CEP350: variants seen among roughly 807,000 people sequenced by gnomAD.
CEP350 encodes the protein centrosomal protein 350.
A neutral mutation model predicts 331.8 loss-of-function variants in CEP350; 126 were observed. That is an observed-to-expected ratio of 0.38 (90% CI 0.33 to 0.44). CEP350 has a LOEUF of 0.44. CEP350 is among the 20% of genes least tolerant of loss of function. The probability of loss-of-function intolerance (pLI) is 1.00; values close to 1 mark genes in which losing one functional copy is unlikely to be tolerated. For synonymous variants in CEP350, 1,200 were observed against 1,259.5 expected (o/e 0.95, Z 1.00); for missense variants, 3,406 against 3,634.6 (o/e 0.94, Z 1.62).
intron 37 of CEP350, among the ~76,000 whole-genome samples, chr1:180,108,133 A>G (rs911792157): frequency 1.3e-5 from 2 of 152,230 alleles, no homozygotes; most frequent in Non-Finnish European, 2.9e-5. Flanking sequence ...TGACAGAGAA[A>G]TAGTTCCTGT....
chr1:180,079,958 G>A (rs886802505), intron 29 of CEP350, among the ~76,000 whole-genome samples: 1 of 152,152 alleles, frequency 6.6e-6, no homozygotes, highest in Non-Finnish European at 1.5e-5. Context: ...ACCCTCGCAA[G>A]AATCCTATAA....
In CEP350 at chr1:180,112,916, G is replaced by A. The variant is rs1407982888; in HGVS notation, c.*1755G>A. 5 of 152,580 alleles carry A rather than the reference G, an allele frequency of 3.3e-5. No homozygotes were observed. Among genetic ancestry groups the A allele is most frequent in the Admixed American group, 2.6e-4 (4 of 15,272 alleles). 9.5% of individuals were successfully genotyped at this position (152,580 alleles called of 1,614,324 possible). On this transcript the variant is annotated 3_prime_UTR_variant, in exon 38 of 38. Coordinates refer to ENST00000367607, the MANE Select transcript of CEP350 (RefSeq NM_014810.5). ...TTGCATTTTGCACAATGACTGGTATGATAGCTCTTGACAAATAAGGAAAGC... is the reference window on the plus strand; with the variant it reads ...TTGCATTTTGCACAATGACTGGTATAATAGCTCTTGACAAATAAGGAAAGC...
chr1:180,048,989 G>T (rs1657307363), intron 22 of CEP350, among the ~76,000 whole-genome samples: 2 of 152,150 alleles, frequency 1.3e-5, no homozygotes, highest in Admixed American at 1.3e-4. Context: ...GATCACTTTA[G>T]CCTAGGATAT....
rs779205155 is a variant in CEP350, at chr1:179,992,178, A to G, written c.352A>G (p.Lys118Glu). ...RATTLESNVKKNNRVEFREPL... is the reference protein window; with the variant it reads ...RATTLESNVKENNRVEFREPL... ...CACCACCCTGGAGAGTAATGTGAAG[A>G]AAAATAATCGTGTGGAATTTCGTGA... The change falls in exon 5 of 38, where the codon AAA (lysine) becomes GAA (glutamate). Residue 118 changes from lysine to glutamate, a missense_variant. Physicochemically the swap from Lys to Glu is moderately conservative, Grantham distance 56 (BLOSUM62 1). Transcript: ENST00000367607. 48 of 1,514,760 alleles carry G rather than the reference A, an allele frequency of 3.2e-5. No individual in the cohort carries two copies. The highest frequency in any genetic ancestry group is 1.7e-4 in the Middle Eastern group (1 of 5,882). 93.8% of individuals were successfully genotyped at this position (1,514,760 alleles called of 1,614,324 possible). A position where few individuals can be genotyped will look rare whatever the true frequency, so the allele number is the denominator to read the frequency against.
chr1:180,074,389 C>T (rs189496369), intron 27 of CEP350, among the ~76,000 whole-genome samples: 2 of 152,016 alleles, frequency 1.3e-5, no homozygotes, highest in African/African-American at 2.4e-5. Flanking sequence ...TAAATAGTTA[C>T]GTTTATATGC....
In CEP350 at chr1:180,113,657, A is replaced by G. The variant is rs1312166831; in HGVS notation, c.*2496A>G. ...AATGGCTTTATTCTTAGGATTAAGAAAGATAGATGTGGATACCCAGCCACT... is the reference window on the plus strand; with the variant it reads ...AATGGCTTTATTCTTAGGATTAAGAGAGATAGATGTGGATACCCAGCCACT... On this transcript the variant is annotated 3_prime_UTR_variant, in exon 38 of 38. Transcript: ENST00000367607. 6.6e-6 allele frequency: 1 copy of G among 152,202 alleles called. No homozygotes were observed. Among genetic ancestry groups the G allele is most frequent in the Non-Finnish European group, 1.5e-5 (1 of 68,024 alleles). 9.4% of individuals were successfully genotyped at this position (152,202 alleles called of 1,614,324 possible). A position where few individuals can be genotyped will look rare whatever the true frequency, so the allele number is the denominator to read the frequency against.
chr1:180,022,144 T>C (rs1384227843), intron 12 of CEP350, among the ~76,000 whole-genome samples: 1 of 152,220 alleles, frequency 6.6e-6, no homozygotes, highest in African/African-American at 2.4e-5. Flanking sequence ...CTTCATATGC[T>C]ATTGCTTTCT....
intron 26 of CEP350, among the ~76,000 whole-genome samples, chr1:180,064,518 T>TTTATTTA (rs1367925831): frequency 6.6e-6 from 1 of 152,182 alleles, no homozygotes; most frequent in Non-Finnish European, 1.5e-5. Context: ...TAAATGACTG[T>TTTATTTA]TTGTGGGGAA....
rs1481020698 is a variant in CEP350 at position 180,020,058 on chromosome 1, C to G, written c.2284C>G (p.Leu762Val). 1 of 1,614,026 alleles carries G rather than the reference C, an allele frequency of 6.2e-7. No homozygotes were observed. The change falls in exon 12 of 38, where the codon CTC (leucine) becomes GTC (valine). Residue 762 changes from leucine to valine, a missense_variant. Coordinates refer to ENST00000367607, the MANE Select transcript of CEP350 (RefSeq NM_014810.5). ...AACAGCTGGAAGTTTACTCTCCCAT[C>G]TCTTGAGTTTAGAGCATGTAGGAAT... ...AGTAGSLLSH[L>V]LSLEHVGILH... is the part of the protein sequence containing the mutation.
At chr1:180,092,521 C>T in intron 33 of CEP350, 93 bp from the exon 34 acceptor site, 1 of 882,916 alleles carries the variant, frequency 1.1e-6, no homozygotes, top group Non-Finnish European at 1.6e-6. Flanking sequence ...GGGTTTTTTT[C>T]ACTAAAATTT....
chr1:180,031,141 G>A (rs1655997498), intron 14 of CEP350, among the ~76,000 whole-genome samples, 179 bp from the exon 15 acceptor site: 1 of 152,036 alleles, frequency 6.6e-6, no homozygotes, highest in Non-Finnish European at 1.5e-5. Context: ...CTTAAATAGA[G>A]ACAGAAGGAT....
At position 180,114,163 on chromosome 1, in the gene CEP350, A is replaced by G. The variant is rs887184309; in HGVS notation, c.*3002A>G. On this transcript the variant is annotated 3_prime_UTR_variant, in exon 38 of 38. Coordinates refer to ENST00000367607, the MANE Select transcript of CEP350 (RefSeq NM_014810.5). ...CTCATAAGAGTGTTGTGGCCTATTGATAAAAACAATTTTGTTCAGTTTCTT... is the reference window on the plus strand; with the variant it reads ...CTCATAAGAGTGTTGTGGCCTATTGGTAAAAACAATTTTGTTCAGTTTCTT... 2.6e-5 allele frequency: 4 copies of G among 152,598 alleles called. No homozygotes were observed. Among genetic ancestry groups the G allele is most frequent in the Admixed American group, 6.6e-5 (1 of 15,260 alleles). The allele number at this position is 152,598 out of a possible 1,614,324, so 9.5% of individuals were successfully genotyped here. A position where few individuals can be genotyped will look rare whatever the true frequency, so the allele number is the denominator to read the frequency against.
At chr1:180,062,080 A>G (rs1658261426) in intron 25 of CEP350, 140 bp from the exon 26 acceptor site, 1 of 719,740 alleles carries the variant, frequency 1.4e-6, no homozygotes, top group Non-Finnish European at 1.9e-6. Flanking sequence ...ACTATTTTTT[A>G]AACTTTTCAG....
chr1:180,034,107 T>G (rs374843186), intron 16 of CEP350, 25 bp downstream of exon 16: 1 of 1,595,250 alleles, frequency 6.3e-7, no homozygotes, highest in Non-Finnish European at 8.6e-7. Context: ...GCAATTGTAA[T>G]TTTTAGAATA....
At chr1:180,101,286 AT>A (rs368037580) in intron 37 of CEP350, among the ~76,000 whole-genome samples, 4,596 of 148,460 alleles carry the variant, frequency 0.031, 122 homozygotes, top group South Asian at 0.073. Flanking sequence ...GTTCTTCTTA[AT>A]TTTTTTTTTT....
At chr1:180,019,212 A>G (rs1007464570) in intron 11 of CEP350, among the ~76,000 whole-genome samples, 2 of 152,186 alleles carry the variant, frequency 1.3e-5, no homozygotes, top group African/African-American at 4.8e-5. Flanking sequence ...TCTCTGTAGT[A>G]TCCCTTAATA....
chr1:180,091,922 C>T (rs1021703943), intron 33 of CEP350, among the ~76,000 whole-genome samples: 39 of 151,762 alleles, frequency 2.6e-4, no homozygotes, highest in Non-Finnish European at 3.7e-4. Context: ...CACAGTGGCT[C>T]GTGCCTATAA....
chr1:179,990,058 G>A (rs538945368), intron 3 of CEP350, among the ~76,000 whole-genome samples: 66 of 151,390 alleles, frequency 4.4e-4, no homozygotes, highest in African/African-American at 1.5e-3. Flanking sequence ...GCGTGGTGGC[G>A]CACGCCTGTA....
rs1654808215 is a variant in CEP350, at chr1:180,013,881, G to A, written c.1428G>A (p.Arg476=). 5.0e-6 allele frequency: 8 copies of A among 1,612,732 alleles called. No individual in the cohort carries two copies. Among genetic ancestry groups the A allele is most frequent in the Non-Finnish European group, 5.9e-6 (7 of 1,179,484 alleles). ...TTGGAAGAGCAGAATCTGATCCCAG[G>A]TTGGACGTTTTACATAGACATCTTC... The part of the protein sequence containing the change: ...GHIGRAESDP[R]LDVLHRHLQR... The change falls in exon 10 of 38, where the codon AGG becomes AGA. Residue 476 remains arginine (R), a synonymous_variant. Coordinates refer to ENST00000367607, the MANE Select transcript of CEP350 (RefSeq NM_014810.5).
Sources: gnomAD v4.1 joint callset for allele counts (sites outside exome capture counted in the v4.1 genomes callset) on GRCh38, gnomAD v4.1.1 for gene constraint, MANE v1.5 for transcripts, NCBI Gene and HGNC (gene_info 2026-07-23, HGNC 2026-07-21) for gene names.